Variants in KIF9 observed in about 807,000 individuals in gnomAD.
The protein encoded by KIF9 is kinesin-like protein KIF9.
In KIF9, 68 loss-of-function variants were observed where a neutral mutation model predicts 94.8. That is an observed-to-expected ratio of 0.72 (90% confidence interval 0.59 to 0.88). The LOEUF (loss-of-function observed/expected upper bound fraction) is 0.88. KIF9 is among the 40% of genes least tolerant of loss of function. The pLI is 0.00. For missense variants in KIF9, 882 were observed against 982.5 expected (o/e 0.90, Z 1.37); for synonymous variants, 343 against 362.1 (o/e 0.95, Z 0.60).
intron 16 of KIF9, among the ~76,000 whole-genome samples, chr3:47,241,630 C>CAT (rs1175720482): frequency 6.7e-6 from 1 of 148,354 alleles, no homozygotes; most frequent in Non-Finnish European, 1.5e-5. Flanking sequence ...CCCTGGATTT[C>CAT]ATATATGTGT....
At position 47,282,786 on chromosome 3, in the gene KIF9, A is replaced by G. The variant is rs1383465309; in HGVS notation, c.-297T>C. On this transcript the variant is annotated 5_prime_UTR_variant, in exon 1 of 21. The change abolishes an upstream ATG in the 5' untranslated region. Transcript: ENST00000684063. ...GATAGCGAGGGAACGAAGGCCGCACATGAACCAGGAAGCGGAGTGGCGGGG... is the reference window on the plus strand; with the variant it reads ...GATAGCGAGGGAACGAAGGCCGCACGTGAACCAGGAAGCGGAGTGGCGGGG... The G allele has an allele frequency of 3.5e-6, 5 of 1,432,412 alleles. No homozygotes were observed. Among genetic ancestry groups the G allele is most frequent in the South Asian group, 3.0e-5 (2 of 67,246 alleles). The allele number at this position is 1,432,412 out of a possible 1,614,324, so 88.7% of individuals were successfully genotyped here. A position where few individuals can be genotyped will look rare whatever the true frequency, so the allele number is the denominator to read the frequency against.
intron 10 of KIF9, among the ~76,000 whole-genome samples, chr3:47,250,148 G>A (rs1194325466): frequency 6.6e-6 from 1 of 151,148 alleles, no homozygotes; most frequent in South Asian, 2.1e-4. Flanking sequence ...ACATATTCTA[G>A]ATTAGTGCTG....
intron 9 of KIF9, among the ~76,000 whole-genome samples, chr3:47,262,882 A>T (rs2107411811): frequency 6.6e-6 from 1 of 152,092 alleles, no homozygotes; most frequent in African/African-American, 2.4e-5. Flanking sequence ...TAGCTTTCCT[A>T]ATCTGTCTTT....
intron 9 of KIF9, among the ~76,000 whole-genome samples, chr3:47,258,590 G>A (rs1700763407): frequency 6.6e-6 from 1 of 152,146 alleles, no homozygotes; most frequent in Admixed American, 6.5e-5. Flanking sequence ...CCCCTTTGGT[G>A]CTGTTCTCAT....
At chr3:47,281,967 C>A (rs746628061) in intron 1 of KIF9, among the ~76,000 whole-genome samples, 1 of 152,202 alleles carries the variant, frequency 6.6e-6, no homozygotes, top group African/African-American at 2.4e-5. Flanking sequence ...CACCAACACC[C>A]GAATCCAAAA....
Position 47,247,495 on chromosome 3 carries a change from A to C in KIF9, c.1129-18T>G. The stretch of plus-strand genomic sequence containing the variant: ...CGGTTGGTCTTGAAGGAGGATGAAG[A>C]ACATGTGGATAAGCAACAAGAACCT... On this transcript the variant is annotated intron_variant, in intron 11 of 20. Transcript: ENST00000684063. 1.3e-6 allele frequency: 2 copies of C among 1,580,352 alleles called. No homozygotes were observed. Among genetic ancestry groups the C allele is most frequent in the South Asian group, 2.2e-5 (2 of 90,342 alleles).
intron 8 of KIF9, among the ~76,000 whole-genome samples, chr3:47,265,069 T>C (rs935844464): frequency 2.0e-5 from 3 of 152,240 alleles, no homozygotes; most frequent in Non-Finnish European, 4.4e-5. Flanking sequence ...ACTTAGTTTA[T>C]GGTATTTTCT....
At chr3:47,244,628 C>G in intron 15 of KIF9, 163 bp downstream of exon 15, 1 of 858,308 alleles carries the variant, frequency 1.2e-6, no homozygotes, top group South Asian at 1.6e-5. Context: ...CAAACCAGCC[C>G]CAGCCCGGGC....
intron 8 of KIF9, 145 bp downstream of exon 8, chr3:47,265,585 G>A (rs944538944): frequency 2.5e-6 from 2 of 789,282 alleles, no homozygotes; most frequent in Non-Finnish European, 4.1e-6. Flanking sequence ...CTTTCCAGGT[G>A]TCTGAAGTCA....
At chr3:47,265,084 G>C (rs1701210028) in intron 8 of KIF9, among the ~76,000 whole-genome samples, 1 of 152,196 alleles carries the variant, frequency 6.6e-6, no homozygotes, top group Admixed American at 6.5e-5. Context: ...TTTTCTTATA[G>C]CAGCCTGAAC....
intron 10 of KIF9, 179 bp from the exon 11 acceptor site, chr3:47,248,265 T>C (rs1171419510): frequency 1.3e-5 from 8 of 603,618 alleles, no homozygotes; most frequent in Admixed American, 5.7e-5. Flanking sequence ...GACTCTTCCC[T>C]AACTGGGGTG....
At chr3:47,256,663 C>T (rs775154760) in intron 10 of KIF9, among the ~76,000 whole-genome samples, 206 of 152,214 alleles carry the variant, frequency 1.4e-3, no homozygotes, top group Non-Finnish European at 1.9e-3. Flanking sequence ...TCATTGGGAA[C>T]GGGCCATGAT....
At chr3:47,256,172 T>C (rs1700573546) in intron 10 of KIF9, among the ~76,000 whole-genome samples, 1 of 152,188 alleles carries the variant, frequency 6.6e-6, no homozygotes, top group Non-Finnish European at 1.5e-5. Flanking sequence ...AGCCTCTGCT[T>C]GGCCGCCACC....
intron 5 of KIF9, among the ~76,000 whole-genome samples, chr3:47,269,819 A>G (rs1701526877): frequency 7.7e-6 from 1 of 129,932 alleles, no homozygotes; most frequent in Non-Finnish European, 1.5e-5. Flanking sequence ...CTCTGTCGCC[A>G]GGCTGGAGTG....
intron 5 of KIF9, among the ~76,000 whole-genome samples, chr3:47,269,117 C>T (rs953986605): frequency 1.3e-5 from 2 of 152,118 alleles, no homozygotes; most frequent in Non-Finnish European, 2.9e-5. Context: ...CTGCTATTGA[C>T]GTTGAGGAAG....
Position 47,243,203 on chromosome 3 carries a change from C to A in KIF9, c.1557G>T (p.Gly519=). The A allele has an allele frequency of 6.2e-7, 1 of 1,613,154 alleles. No individual in the cohort carries two copies. Among genetic ancestry groups the A allele is most frequent in the African/African-American group, 1.3e-5 (1 of 75,010 alleles). ...RKEGASSPVN[G]KDLDYVSTSK... ...AGGTGGAAACGTAATCCAAGTCCTTCCCATTCACAGGGCTGCTGGCACCTT... is the reference window on the plus strand; with the variant it reads ...AGGTGGAAACGTAATCCAAGTCCTTACCATTCACAGGGCTGCTGGCACCTT... Residue 519 remains glycine, a synonymous_variant, in exon 16 of 21, where the codon GGG becomes GGT. Transcript: ENST00000684063.
At chr3:47,247,017 T>C (rs1201282840) in intron 12 of KIF9, among the ~76,000 whole-genome samples, 1 of 152,202 alleles carries the variant, frequency 6.6e-6, no homozygotes, top group Admixed American at 6.5e-5. Context: ...ATCAGCTTCA[T>C]TCTGCGGACA....
At chr3:47,265,628 C>A in intron 8 of KIF9, 102 bp downstream of exon 8, 1 of 1,273,420 alleles carries the variant, frequency 7.9e-7, no homozygotes, top group Non-Finnish European at 1.1e-6. Context: ...TCCATGCCAC[C>A]AGGAGGGAGC....
intron 16 of KIF9, among the ~76,000 whole-genome samples, chr3:47,241,840 TAAA>T (rs1215740136): frequency 7.2e-5 from 9 of 124,756 alleles, no homozygotes; most frequent in Non-Finnish European, 1.2e-4. Context: ...CACACATATA[TAAA>T]ATATATATAT....
Sources: allele counts gnomAD v4.1 joint callset (sites outside exome capture counted in the v4.1 genomes callset), GRCh38; gene constraint gnomAD v4.1.1; transcripts MANE v1.5; gene names NCBI Gene and HGNC (gene_info 2026-07-23, HGNC 2026-07-21).